The following YLPM1 variants were observed in gnomAD, a reference collection of about 807,000 sequenced individuals.
YLPM1 encodes the protein YLP motif-containing protein 1.
Under a neutral mutation model 230.0 loss-of-function variants are expected in YLPM1, and 99 were observed. That is an observed-to-expected ratio of 0.43 (90% CI 0.37 to 0.51). The LOEUF (loss-of-function observed/expected upper bound fraction) is 0.51. YLPM1 is among the 20% of genes least tolerant of loss of function. The probability of loss-of-function intolerance (pLI) is 0.00; values close to 1 mark genes in which losing one functional copy is unlikely to be tolerated. For synonymous variants in YLPM1, 984 were observed against 942.5 expected, an observed-to-expected ratio of 1.04 and a Z score of -0.81; for missense variants, 2,592 against 2,707.7, an observed-to-expected ratio of 0.96 and a Z score of 0.95.
intron 4 of YLPM1, 149 bp from the exon 5 acceptor site, chr14:74,797,431 G>T: frequency 1.5e-6 from 1 of 664,108 alleles, no homozygotes; most frequent in Non-Finnish European, 2.4e-6. Flanking sequence ...CTGGTTCTAA[G>T]ATATTGGTGA....
At chr14:74,820,740 AT>A (rs1300671600) in intron 16 of YLPM1, among the ~76,000 whole-genome samples, 1 of 152,214 alleles carries the variant, frequency 6.6e-6, no homozygotes, top group Non-Finnish European at 1.5e-5. Context: ...TTTTTACCTG[AT>A]TGGAAAAATA....
intron 4 of YLPM1, among the ~76,000 whole-genome samples, chr14:74,788,570 G>A (rs892652022): frequency 2.6e-5 from 4 of 152,240 alleles, no homozygotes; most frequent in Non-Finnish European, 5.9e-5. Flanking sequence ...AGCTGGGCAT[G>A]GTGGCTCACA....
chr14:74,779,399 A>G (rs1204479988), intron 2 of YLPM1, among the ~76,000 whole-genome samples: 1 of 152,146 alleles, frequency 6.6e-6, no homozygotes, highest in Non-Finnish European at 1.5e-5. Context: ...CAAAATGGGT[A>G]TATTCAATAG....
At chr14:74,770,242 G>A (rs868076074) in intron 1 of YLPM1, among the ~76,000 whole-genome samples, 1 of 151,778 alleles carries the variant, frequency 6.6e-6, no homozygotes, top group Admixed American at 6.6e-5. Flanking sequence ...GCTACTTGCG[G>A]GTGGCTGAGG....
intron 3 of YLPM1, 55 bp downstream of exon 3, chr14:74,780,639 T>G: frequency 6.6e-7 from 1 of 1,506,434 alleles, no homozygotes; most frequent in African/African-American, 1.4e-5. Flanking sequence ...TGAAAGGATT[T>G]GTTATTCTTG....
rs1288350051 is a variant in YLPM1, at chr14:74,797,879, G to A, written c.2582G>A (p.Gly861Glu). ...QPKSQAEPLS[G>E]NKEPLADTSS... ...AAGTCACAAGCAGAACCTCTTTCAG[G>A]AAACAAAGAACCATTAGCAGACACC... The change falls in exon 5 of 21, where the codon GGA (glycine) becomes GAA (glutamate). Residue 861 changes from glycine to glutamate, a missense_variant. This residue lies in a region of YLPM1 where 1,862 missense variants were observed against 1,819.8 expected (regional missense o/e 1.02). Transcript: ENST00000325680. 1 of 1,613,890 alleles carries A rather than the reference G, an allele frequency of 6.2e-7. No homozygotes were observed. Among genetic ancestry groups the A allele is most frequent in the Admixed American group, 1.7e-5 (1 of 60,014 alleles).
In YLPM1 at chr14:74,802,624, C is replaced by G; in HGVS notation, c.4469C>G (p.Pro1490Arg). 6.2e-7 allele frequency: 1 copy of G among 1,613,306 alleles called. No individual in the cohort carries two copies. The highest frequency in any genetic ancestry group is 8.5e-7 in the Non-Finnish European group (1 of 1,179,574). ...GSEPQMADHL[P>R]PQESRLQNTS... ...GAGCCACAGATGGCTGACCATCTAC[C>G]ACCTCAGGAATCAAGATTGCAGAAT... The change falls in exon 6 of 21, where the codon CCA (proline) becomes CGA (arginine). Residue 1490 changes from proline (P) to arginine (R), a missense_variant. By Grantham distance (103) the Pro-to-Arg change is moderately radical. Transcript: ENST00000325680.
Position 74,782,342 on chromosome 14 carries a change from TTC to T in YLPM1, c.2282+21_2282+22del. The T allele has an allele frequency of 6.7e-7, 1 of 1,492,154 alleles. No homozygotes were observed. The allele number at this position is 1,492,154 out of a possible 1,614,324, so 92.4% of individuals were successfully genotyped here. A position where few individuals can be genotyped will look rare whatever the true frequency, so the allele number is the denominator to read the frequency against. ...AGGCCCAAGGTAGGTCTGCTTTTTT[TTC>T]TCTTTTTTTTTGGTTTGGCTATTTT... On this transcript the variant is annotated intron_variant, in intron 4 of 20. Coordinates refer to ENST00000325680, the MANE Select transcript of YLPM1 (RefSeq NM_019589.3).
chr14:74,782,107 G>C lies in YLPM1; in HGVS notation c.2064G>C (p.Pro688=). ...CCCCACCGACAACTTACCATCCTCCGTTGCAATCAGCTGGTCCATCAGAAC... is the reference window on the plus strand; with the variant it reads ...CCCCACCGACAACTTACCATCCTCCCTTGCAATCAGCTGGTCCATCAGAAC... ...GSAPPTTYHP[P]LQSAGPSEQV... is the part of the protein sequence containing the mutation. The change falls in exon 4 of 21, where the codon CCG becomes CCC. Residue 688 remains proline, a synonymous_variant. Coordinates refer to ENST00000325680, the MANE Select transcript of YLPM1 (RefSeq NM_019589.3). 1 of 1,613,760 alleles carries C rather than the reference G, an allele frequency of 6.2e-7. No individual in the cohort carries two copies. Among genetic ancestry groups the C allele is most frequent in the Non-Finnish European group, 8.5e-7 (1 of 1,179,840 alleles).
At chr14:74,784,730 T>C (rs1175844749) in intron 4 of YLPM1, among the ~76,000 whole-genome samples, 1 of 152,256 alleles carries the variant, frequency 6.6e-6, no homozygotes, top group Non-Finnish European at 1.5e-5. Flanking sequence ...ACAGAATGAA[T>C]TATCCTATGC....
At chr14:74,804,410 G>A (rs113704089) in intron 6 of YLPM1, among the ~76,000 whole-genome samples, 18 of 148,410 alleles carry the variant, frequency 1.2e-4, no homozygotes, top group African/African-American at 3.4e-4. Flanking sequence ...GACCTCTGCT[G>A]ACCATTGCTT....
chr14:74,813,831 A>T (rs1294627425), intron 11 of YLPM1, among the ~76,000 whole-genome samples: 1 of 152,176 alleles, frequency 6.6e-6, no homozygotes, highest in Non-Finnish European at 1.5e-5. Context: ...CTGCAATACC[A>T]CTGAATTCAT....
At chr14:74,785,233 C>G (rs1457949762) in intron 4 of YLPM1, among the ~76,000 whole-genome samples, 1 of 152,042 alleles carries the variant, frequency 6.6e-6, no homozygotes, top group Non-Finnish European at 1.5e-5. Flanking sequence ...AGGTTTGCAC[C>G]ATCATTTCAG....
chr14:74,771,894 C>G (rs1296481547), intron 1 of YLPM1, among the ~76,000 whole-genome samples: 1 of 152,058 alleles, frequency 6.6e-6, no homozygotes, highest in Non-Finnish European at 1.5e-5. Flanking sequence ...ATCTGGTGAC[C>G]CTGATTCTTA....
intron 1 of YLPM1, among the ~76,000 whole-genome samples, chr14:74,774,022 A>G (rs1252001994): frequency 6.6e-6 from 1 of 151,954 alleles, no homozygotes; most frequent in Non-Finnish European, 1.5e-5. Context: ...TGCCTGGCCA[A>G]GTGTGCTGTT....
intron 11 of YLPM1, 107 bp downstream of exon 11, chr14:74,812,889 C>A: frequency 7.3e-7 from 1 of 1,365,658 alleles, no homozygotes; most frequent in Non-Finnish European, 9.8e-7. Flanking sequence ...GTAATAATAT[C>A]AGATTCAAGA....
chr14:74,763,557 C>T lies in YLPM1; in HGVS notation c.68C>T (p.Pro23Leu). The change falls in exon 1 of 21, where the codon CCG becomes CTG. Residue 23 changes from proline (P) to leucine (L), a missense_variant. Physicochemically the swap from Pro to Leu is moderately conservative, Grantham distance 98. Transcript: ENST00000325680. Reference protein sequence around the residue: ...HYPPPPVPPPPPVALPEASPG... With the variant: ...HYPPPPVPPPLPVALPEASPG... The stretch of plus-strand genomic sequence containing the variant: ...CCGCCGCCACCGGTCCCACCGCCGC[C>T]GCCAGTGGCGCTTCCTGAGGCCTCG... 1.9e-6 allele frequency: 3 copies of T among 1,556,896 alleles called. No individual in the cohort carries two copies. The highest frequency in any genetic ancestry group is 2.6e-6 in the Non-Finnish European group (3 of 1,150,348).
intron 19 of YLPM1, among the ~76,000 whole-genome samples, chr14:74,832,518 C>T (rs1015804791): frequency 1.3e-5 from 2 of 152,210 alleles, no homozygotes; most frequent in East Asian, 3.9e-4. Flanking sequence ...GTTGCCCAGC[C>T]TGGAGTGCAG....
At chr14:74,788,446 T>C (rs1315993628) in intron 4 of YLPM1, among the ~76,000 whole-genome samples, 1 of 152,188 alleles carries the variant, frequency 6.6e-6, no homozygotes, top group East Asian at 1.9e-4. Flanking sequence ...TTTAGCAAAT[T>C]GAGATGGTCC....
Sources: gnomAD v4.1 joint callset for allele counts (sites outside exome capture counted in the v4.1 genomes callset) on GRCh38, gnomAD v4.1.1 for gene constraint, gnomAD v4.1.1 regional missense constraint, MANE v1.5 for transcripts, NCBI Gene and HGNC (gene_info 2026-07-23, HGNC 2026-07-21) for gene names.